CNTN4: variants seen among roughly 807,000 people sequenced by gnomAD.
The protein encoded by CNTN4 is contactin 4, also known as contactin-4.
A neutral mutation model predicts 122.5 loss-of-function variants in CNTN4; 77 were observed. The ratio of observed to expected loss-of-function variants is 0.63; its 90% CI spans 0.52 to 0.76. The LOEUF (loss-of-function observed/expected upper bound fraction) is 0.76, where lower values mean the gene tolerates loss of function less well. Among genes scored for constraint, CNTN4 ranks in the 30% least tolerant of loss-of-function variants. The probability of loss-of-function intolerance (pLI) is 0.00; values close to 1 mark genes in which losing one functional copy is unlikely to be tolerated. For synonymous variants in CNTN4, 512 were observed against 447.0 expected (o/e 1.15, Z -1.83); for missense variants, 1,256 against 1,259.1 (o/e 1.00, Z 0.04).
chr3:2,925,880 C>A, intron 13 of CNTN4, 101 bp downstream of exon 13: 3 of 993,542 alleles, frequency 3.0e-6, no homozygotes, highest in South Asian at 1.3e-5. Flanking sequence ...ATCTGCTGTT[C>A]CTGAACTAAG....
At chr3:2,390,848 T>A (rs1031054207) in intron 3 of CNTN4, among the ~76,000 whole-genome samples, 2 of 152,236 alleles carry the variant, frequency 1.3e-5, no homozygotes, top group African/African-American at 4.8e-5. Flanking sequence ...GCTCAGTGAA[T>A]TGCCCGACCC....
chr3:2,759,392 C>T (rs1264271468), intron 6 of CNTN4, among the ~76,000 whole-genome samples: 2 of 152,122 alleles, frequency 1.3e-5, no homozygotes, highest in African/African-American at 4.8e-5. Flanking sequence ...GGTGATCTGC[C>T]CGCCTCGGCC....
At chr3:3,052,248 T>C (rs1244622508) in intron 23 of CNTN4, among the ~76,000 whole-genome samples, 3 of 152,198 alleles carry the variant, frequency 2.0e-5, no homozygotes, top group South Asian at 2.1e-4. Context: ...GTCAACACTT[T>C]GAGCTAGAGA....
chr3:2,834,898 CTTTTTTTTTT>C (rs71058653), intron 7 of CNTN4, among the ~76,000 whole-genome samples: 1 of 60,450 alleles, frequency 1.7e-5, no homozygotes, highest in African/African-American at 7.5e-5. Context: ...TAAAGGCAAC[CTTTTTTTTTT>C]TTTTTTTTTT....
chr3:2,430,664 CT>C (rs1204620200), intron 3 of CNTN4, among the ~76,000 whole-genome samples: 1 of 149,848 alleles, frequency 6.7e-6, no homozygotes, highest in Non-Finnish European at 1.5e-5. Flanking sequence ...TTTACCCCAG[CT>C]AGAGGTGCAT....
chr3:2,128,769 T>C (rs56794634), intron 2 of CNTN4, among the ~76,000 whole-genome samples: 8,387 of 152,250 alleles, frequency 0.055, 394 homozygotes, highest in African/African-American at 0.13. Context: ...TGCTTTGCAT[T>C]TGCACAGGGG....
intron 4 of CNTN4, among the ~76,000 whole-genome samples, chr3:2,582,268 A>G (rs532132350): frequency 6.6e-6 from 1 of 152,340 alleles, no homozygotes; most frequent in African/African-American, 2.4e-5. Flanking sequence ...ATTCCCTGAT[A>G]CATGATAAAC....
Position 2,542,232 on chromosome 3 carries a change from A to G in CNTN4, c.-88-29184A>G, listed in dbSNP as rs373388454. 3.9e-5 allele frequency among the ~76,000 whole-genome samples: 6 copies of G among 152,280 alleles called. No homozygotes were observed. The East Asian group carries it at 1.2e-3, about 30-fold the overall frequency. The stretch of plus-strand genomic sequence containing the variant: ...GACTGACTGTGAAATAGCTGCAGCC[A>G]ACTGGCCTCTCAGCCATCATTCTTA... On this transcript the variant is annotated intron_variant, in intron 3 of 24. Coordinates refer to ENST00000418658, the MANE Select transcript of CNTN4 (RefSeq NM_175607.3).
At chr3:2,262,285 C>A (rs192267743) in intron 2 of CNTN4, 7 of 152,186 alleles carry the variant, frequency 4.6e-5, no homozygotes, top group African/African-American at 1.4e-4. Context: ...TCGTAGAATT[C>A]AGAGAACTGA....
intron 3 of CNTN4, among the ~76,000 whole-genome samples, chr3:2,521,505 A>C (rs1330121755): frequency 6.6e-6 from 1 of 152,078 alleles, no homozygotes; most frequent in Non-Finnish European, 1.5e-5. Flanking sequence ...AGTAGAGTTG[A>C]ATGAATATGT....
chr3:2,265,008 G>T (rs1480627366), intron 2 of CNTN4, among the ~76,000 whole-genome samples: 2 of 151,800 alleles, frequency 1.3e-5, no homozygotes, highest in African/African-American at 4.8e-5. Context: ...CATCCCTCAC[G>T]CCACTCGTAC....
intron 2 of CNTN4, among the ~76,000 whole-genome samples, chr3:2,248,126 A>G (rs558952639): frequency 6.6e-6 from 1 of 152,078 alleles, no homozygotes; most frequent in Admixed American, 6.6e-5. Flanking sequence ...AAGAACCTAT[A>G]AAAGTTCCTG....
At chr3:2,626,024 A>G (rs2082171364) in intron 4 of CNTN4, among the ~76,000 whole-genome samples, 1 of 152,114 alleles carries the variant, frequency 6.6e-6, no homozygotes. Flanking sequence ...CAATATTTTA[A>G]TTTGCAATTA....
At chr3:2,984,365 C>G (rs933393723) in intron 13 of CNTN4, among the ~76,000 whole-genome samples, 1 of 152,138 alleles carries the variant, frequency 6.6e-6, no homozygotes, top group Non-Finnish European at 1.5e-5. Context: ...GTGATTTTGA[C>G]CCCCAGGGTA....
Position 2,771,277 on chromosome 3 carries a change from G to A in CNTN4, c.358+25580G>A, listed in dbSNP as rs1233523588. ...AGTTTAGAGCCACATTGCATGAGAAGTGGGTATCTTTAAATACTCTACAAC... is the reference window on the plus strand; with the variant it reads ...AGTTTAGAGCCACATTGCATGAGAAATGGGTATCTTTAAATACTCTACAAC... On this transcript the variant is annotated intron_variant, in intron 6 of 24. Transcript: ENST00000418658. 1.3e-5 allele frequency among the ~76,000 whole-genome samples: 2 copies of A among 152,242 alleles called. 1 individual carries two copies. The highest frequency in any genetic ancestry group is 1.3e-4 in the Admixed American group (2 of 15,286).
chr3:2,479,178 T>G (rs979959445), intron 3 of CNTN4, among the ~76,000 whole-genome samples: 1 of 152,182 alleles, frequency 6.6e-6, no homozygotes, highest in African/African-American at 2.4e-5. Flanking sequence ...CCTATATAGG[T>G]TTGCTTTTTT....
chr3:2,747,964 A>T (rs1002307425), intron 6 of CNTN4, among the ~76,000 whole-genome samples: 1 of 152,236 alleles, frequency 6.6e-6, no homozygotes. Flanking sequence ...TTACTCTTCA[A>T]ATATGTGAAG....
rs62245008 is a variant in CNTN4, at chr3:2,284,624, C to G, written c.-144-54554C>G. Among the ~76,000 whole-genome samples the G allele has an allele frequency of 1.4e-3, 211 of 151,810 alleles. 1 individual carries two copies. Among genetic ancestry groups the G allele is most frequent in the Non-Finnish European group, 2.6e-3 (179 of 67,916 alleles). On this transcript the variant is annotated intron_variant, in intron 2 of 24. Coordinates refer to ENST00000418658, the MANE Select transcript of CNTN4 (RefSeq NM_175607.3). ...TATGTAATCATACTTTTGTAATTTT[C>G]TATTGTGGAGAAATTTATCTGCTTA...
chr3:2,808,774 G>T (rs2092533196), intron 6 of CNTN4, among the ~76,000 whole-genome samples: 2 of 149,250 alleles, frequency 1.3e-5, no homozygotes, highest in African/African-American at 4.9e-5. Flanking sequence ...CTTAAGGATG[G>T]GGATGCGGGA....
Sources: gnomAD v4.1 joint callset for allele counts (sites outside exome capture counted in the v4.1 genomes callset) on GRCh38, gnomAD v4.1.1 for gene constraint, MANE v1.5 for transcripts, NCBI Gene and HGNC (gene_info 2026-07-23, HGNC 2026-07-21) for gene names.